DNA2: variants seen among roughly 807,000 people sequenced by gnomAD.
DNA2 encodes the protein DNA replication ATP-dependent helicase/nuclease DNA2.
DNA2 carries 101 observed loss-of-function variants against 119.1 expected under a neutral mutation model. The ratio of observed to expected loss-of-function variants is 0.85; its 90% CI spans 0.72 to 1.00. The LOEUF is 1.00. DNA2 is among the 50% of genes least tolerant of loss of function. The pLI is 0.00. For missense variants in DNA2, 1,121 were observed against 1,255.5 expected (o/e 0.89, Z 1.62); for synonymous variants, 366 against 424.4 (o/e 0.86, Z 1.69).
intron 8 of DNA2, among the ~76,000 whole-genome samples, chr10:68,443,663 A>G (rs7908465): frequency 0.3 from 45,898 of 152,096 alleles, 8,283 homozygotes; most frequent in African/African-American, 0.49. Flanking sequence ...AAGTATTTAT[A>G]TGAGGCCGAG....
chr10:68,415,896 T>G (rs894059750), intron 20 of DNA2, among the ~76,000 whole-genome samples: 8 of 152,074 alleles, frequency 5.3e-5, no homozygotes, highest in African/African-American at 1.9e-4. Flanking sequence ...GCAATCCACC[T>G]GCTTCAGCCT....
chr10:68,429,188 G>C (rs1180299352), intron 14 of DNA2, among the ~76,000 whole-genome samples: 3 of 149,784 alleles, frequency 2.0e-5, no homozygotes. Flanking sequence ...AAAAATATCA[G>C]TTAAGCCAGG....
At position 68,468,109 on chromosome 10, in the gene DNA2, T is replaced by G. The variant is rs1469118052; in HGVS notation, c.441+14A>C. On this transcript the variant is annotated intron_variant, in intron 3 of 20. Transcript: ENST00000358410. ...TCAGACCCTGCAGAAACATTAACTGTTACTATTATTTACCCTAAAAGTTTC... is the reference window on the plus strand; with the variant it reads ...TCAGACCCTGCAGAAACATTAACTGGTACTATTATTTACCCTAAAAGTTTC... 6.5e-7 allele frequency: 1 copy of G among 1,533,498 alleles called. No individual in the cohort carries two copies. Among genetic ancestry groups the G allele is most frequent in the Non-Finnish European group, 8.8e-7 (1 of 1,139,288 alleles). 95.0% of individuals were successfully genotyped at this position (1,533,498 alleles called of 1,614,324 possible). A position where few individuals can be genotyped will look rare whatever the true frequency, so the allele number is the denominator to read the frequency against.
Position 68,470,988 on chromosome 10 carries a change from C to T in DNA2, c.74+803G>A, listed in dbSNP as rs58754488. 8.3e-3 allele frequency among the ~76,000 whole-genome samples: 1,256 copies of T among 152,222 alleles called. 20 individuals are homozygous for T. The highest frequency in any genetic ancestry group is 0.028 in the African/African-American group (1,169 of 41,532). ...AAGTCAATTTGTCAATACTTTCATCCATCGGTCCAAGCTGTCTAAAATTAT... is the reference window on the plus strand; with the variant it reads ...AAGTCAATTTGTCAATACTTTCATCTATCGGTCCAAGCTGTCTAAAATTAT... On this transcript the variant is annotated intron_variant, in intron 1 of 20. Transcript: ENST00000358410.
intron 12 of DNA2, 55 bp downstream of exon 12, chr10:68,432,151 A>T (rs2051830803): frequency 1.5e-6 from 2 of 1,304,992 alleles, no homozygotes; most frequent in Admixed American, 4.3e-5. Context: ...CTACAGTATA[A>T]ATCAAATAGA....
intron 8 of DNA2, among the ~76,000 whole-genome samples, chr10:68,444,263 G>A (rs1404683712): frequency 6.6e-6 from 1 of 151,840 alleles, no homozygotes; most frequent in Non-Finnish European, 1.5e-5. Context: ...GGTGGCGAGC[G>A]CCTGTAGTCC....
intron 8 of DNA2, 116 bp from the exon 9 acceptor site, chr10:68,443,227 C>T: frequency 1.1e-6 from 1 of 897,506 alleles, no homozygotes; most frequent in Non-Finnish European, 1.6e-6. Context: ...CTCATAACCA[C>T]AGCCCCTAAT....
intron 14 of DNA2, among the ~76,000 whole-genome samples, chr10:68,428,646 G>A (rs2051774976): frequency 6.6e-6 from 1 of 152,186 alleles, no homozygotes; most frequent in African/African-American, 2.4e-5. Context: ...CAACAAAAAG[G>A]AACAAACTAT....
At chr10:68,431,429 C>T (rs894944535) in intron 13 of DNA2, among the ~76,000 whole-genome samples, 1 of 151,914 alleles carries the variant, frequency 6.6e-6, no homozygotes, top group African/African-American at 2.4e-5. Context: ...GGATTATAGG[C>T]GCATGCCACT....
At chr10:68,463,697 A>C (rs533702262) in intron 4 of DNA2, among the ~76,000 whole-genome samples, 58 of 151,326 alleles carry the variant, frequency 3.8e-4, no homozygotes, top group African/African-American at 1.3e-3. Context: ...TACAACTTAC[A>C]ATTTTTCTCA....
Position 68,445,082 on chromosome 10 carries a change from T to A in DNA2, c.1059A>T (p.Glu353Asp), listed in dbSNP as rs745456116. 6.3e-6 allele frequency: 10 copies of A among 1,586,290 alleles called. No homozygotes were observed. The highest frequency in any genetic ancestry group is 8.6e-6 in the Non-Finnish European group (10 of 1,167,030). ...PVPANHLDKR[E>D]LLKLRNQMAF... ...CCATCTGGTTTCTTAGCTTTAATAATTCTATGAAAAAAAAGGTGAATGTCT... is the reference window on the plus strand; with the variant it reads ...CCATCTGGTTTCTTAGCTTTAATAAATCTATGAAAAAAAAGGTGAATGTCT... The change falls in exon 8 of 21, where the codon GAA (glutamate) becomes GAT (aspartate). Residue 353 changes from glutamate (E) to aspartate (D), a missense_variant and splice_region_variant. By Grantham distance (45) the Glu-to-Asp change is conservative (BLOSUM62 2). Coordinates refer to ENST00000358410, the MANE Select transcript of DNA2 (RefSeq NM_001080449.3).
chr10:68,427,238 A>T (rs1024742776), intron 14 of DNA2, among the ~76,000 whole-genome samples: 2 of 151,188 alleles, frequency 1.3e-5, no homozygotes, highest in Non-Finnish European at 3.0e-5. Context: ...CATGCCTGTA[A>T]TCCCAGCTAC....
At chr10:68,471,984 G>GCAGATGTCC, upstream of DNA2, 1 of 1,611,466 alleles carries the variant, frequency 6.2e-7, no homozygotes, top group Non-Finnish European at 8.5e-7. Flanking sequence ...GCGCCAACCC[G>GCAGATGTCC]CAGATGTCCC....
In DNA2 at chr10:68,416,763, T is replaced by C; in HGVS notation, c.3060A>G (p.Leu1020=). 6.2e-7 allele frequency: 1 copy of C among 1,613,910 alleles called. No homozygotes were observed. The highest frequency in any genetic ancestry group is 8.5e-7 in the Non-Finnish European group (1 of 1,179,798). ...KLILLGCVPS[L]NCYPPLEKLL... is the part of the protein sequence containing the mutation. The stretch of plus-strand genomic sequence containing the variant: ...GCTTCTCCAAAGGAGGATAGCAATT[T>C]AGTGAGGGCACACACCCCAGAAGAA... Residue 1020 remains leucine (L), a synonymous_variant, in exon 20 of 21, where the codon CTA becomes CTG. Transcript: ENST00000358410.
chr10:68,445,116 G>A, intron 7 of DNA2, 33 bp from the exon 8 acceptor site: 1 of 1,537,612 alleles, frequency 6.5e-7, no homozygotes, highest in Non-Finnish European at 8.8e-7. Context: ...CTTTTTAAGA[G>A]TTAAATAAAG....
In DNA2 at chr10:68,461,728, T is replaced by C. The variant is rs545865753; in HGVS notation, c.588-2493A>G. On this transcript the variant is annotated intron_variant, in intron 4 of 20. Coordinates refer to ENST00000358410, the MANE Select transcript of DNA2 (RefSeq NM_001080449.3). The stretch of plus-strand genomic sequence containing the variant: ...CTGTAATCCCAGCTACTCGGGAGGC[T>C]GAGGCAAGATAATTGCTTGAACCCG... Among the ~76,000 whole-genome samples, 341 of 150,170 alleles carry C rather than the reference T, an allele frequency of 2.3e-3. 3 individuals carry two copies. The highest frequency in any genetic ancestry group is 8.1e-3 in the African/African-American group (330 of 40,808).
In DNA2 at chr10:68,430,468, AG is replaced by A. The variant is rs755679214; in HGVS notation, c.2175del (p.Leu726Ter). On this transcript the variant is annotated frameshift_variant, in exon 14 of 21. Transcript: ENST00000358410. LOFTEE classifies it high-confidence loss of function. Reference protein sequence around the residue: ...QEICRSKSIKSLALLEELYNS... With the variant: ...QEICRSKSIKXLALLEELYNS... ...TTGTAGAGTTCTTCTAGAAGAGCTAAGGATTTAATGGACTTTGATCTGCAAA... is the reference window on the plus strand; with the variant it reads ...TTGTAGAGTTCTTCTAGAAGAGCTAAGATTTAATGGACTTTGATCTGCAAA... 125 of 1,609,190 alleles carry A rather than the reference AG, an allele frequency of 7.8e-5. No homozygotes were observed. Among genetic ancestry groups the A allele is most frequent in the Non-Finnish European group, 1.0e-4 (121 of 1,177,524 alleles).
In DNA2 at chr10:68,465,759, C is replaced by T. The variant is rs746964728; in HGVS notation, c.495G>A (p.Val165=). 1 of 1,607,742 alleles carries T rather than the reference C, an allele frequency of 6.2e-7. No individual in the cohort carries two copies. The highest frequency in any genetic ancestry group is 2.2e-5 in the East Asian group (1 of 44,738). Residue 165 remains valine, a synonymous_variant, in exon 4 of 21, where the codon GTG becomes GTA. Coordinates refer to ENST00000358410, the MANE Select transcript of DNA2 (RefSeq NM_001080449.3). ...AGCTATTATTTATGGCTTTTTGAAACACCTCATGGAGAACCGTACCAATTA... is the reference window on the plus strand; with the variant it reads ...AGCTATTATTTATGGCTTTTTGAAATACCTCATGGAGAACCGTACCAATTA... The part of the protein sequence containing the change: ...QMLIGTVLHE[V]FQKAINNSFA...
At chr10:68,421,041 C>A (rs968174459) in intron 17 of DNA2, among the ~76,000 whole-genome samples, 7 of 151,910 alleles carry the variant, frequency 4.6e-5, no homozygotes, top group African/African-American at 1.7e-4. Flanking sequence ...CAGGTTCAAG[C>A]GATTCTCCTG....
Sources: allele counts gnomAD v4.1 joint callset (sites outside exome capture counted in the v4.1 genomes callset), GRCh38; gene constraint gnomAD v4.1.1; transcripts MANE v1.5; gene names NCBI Gene and HGNC (gene_info 2026-07-23, HGNC 2026-07-21).